KCNQ5: variants seen among roughly 807,000 people sequenced by gnomAD.
KCNQ5 encodes potassium voltage-gated channel subfamily Q member 5.
In KCNQ5, 30 loss-of-function variants were observed where a neutral mutation model predicts 98.2. That is an observed-to-expected ratio of 0.31 (90% CI 0.23 to 0.41). The LOEUF (loss-of-function observed/expected upper bound fraction) is 0.41. KCNQ5 is among the 10% of genes least tolerant of loss of function. The pLI is 1.00. For missense variants in KCNQ5, 835 were observed against 1,182.5 expected, an observed-to-expected ratio of 0.71 and a Z score of 4.31; for synonymous variants, 458 against 449.4, an observed-to-expected ratio of 1.02 and a Z score of -0.24.
intron 8 of KCNQ5, among the ~76,000 whole-genome samples, chr6:73,123,898 C>T (rs1223428896): frequency 6.6e-6 from 1 of 152,214 alleles, no homozygotes; most frequent in African/African-American, 2.4e-5. Flanking sequence ...GCAAAGAGTA[C>T]AGACCCTACA....
chr6:73,057,780 C>T (rs912123557), intron 3 of KCNQ5, among the ~76,000 whole-genome samples: 2 of 152,180 alleles, frequency 1.3e-5, no homozygotes, highest in Non-Finnish European at 1.5e-5. Flanking sequence ...CAAAAAAAAG[C>T]CTGAATAGCC....
intron 11 of KCNQ5, among the ~76,000 whole-genome samples, chr6:73,174,786 G>A (rs1219789945): frequency 1.3e-5 from 2 of 152,166 alleles, no homozygotes; most frequent in Non-Finnish European, 2.9e-5. Flanking sequence ...TCATAGGGTT[G>A]TAGTAAGGAA....
At chr6:72,918,138 A>C (rs1174084705) in intron 1 of KCNQ5, among the ~76,000 whole-genome samples, 1 of 152,170 alleles carries the variant, frequency 6.6e-6, no homozygotes, top group East Asian at 1.9e-4. Flanking sequence ...TTCCAAACTG[A>C]GTTTCCTGTG....
At chr6:72,882,865 G>A (rs1346885462) in intron 1 of KCNQ5, among the ~76,000 whole-genome samples, 2 of 152,144 alleles carry the variant, frequency 1.3e-5, no homozygotes, top group African/African-American at 4.8e-5. Context: ...AGTTTGACAA[G>A]AGTGTACGCG....
intron 3 of KCNQ5, chr6:73,055,470 C>G: frequency 6.4e-7 from 1 of 1,550,946 alleles, no homozygotes; most frequent in South Asian, 1.1e-5. Flanking sequence ...CCGATGGAGC[C>G]CTACCATCCT....
chr6:73,135,151 AATG>A (rs1776412279), intron 10 of KCNQ5: 1 of 152,142 alleles, frequency 6.6e-6, no homozygotes, highest in Admixed American at 6.5e-5. Context: ...AGGCATTAGA[AATG>A]ATGCTCTAAA....
At chr6:72,906,226 G>A (rs138408450) in intron 1 of KCNQ5, among the ~76,000 whole-genome samples, 5 of 152,234 alleles carry the variant, frequency 3.3e-5, no homozygotes. Context: ...CAATCTGAAG[G>A]GCCGGTCTCA....
At chr6:72,660,249 G>A (rs557476991) in intron 1 of KCNQ5, among the ~76,000 whole-genome samples, 12 of 152,136 alleles carry the variant, frequency 7.9e-5, no homozygotes, top group African/African-American at 9.6e-5. Context: ...CCTATTTTAC[G>A]CATGAGAAAC....
intron 2 of KCNQ5, among the ~76,000 whole-genome samples, chr6:73,018,649 G>T (rs911812711): frequency 6.6e-6 from 1 of 152,004 alleles, no homozygotes; most frequent in Admixed American, 6.6e-5. Flanking sequence ...AGTCCCCATC[G>T]CTGTCTGTGA....
At chr6:72,662,391 C>A (rs540849647) in intron 1 of KCNQ5, among the ~76,000 whole-genome samples, 7 of 152,076 alleles carry the variant, frequency 4.6e-5, no homozygotes, top group African/African-American at 9.7e-5. Context: ...TTAATTCTCT[C>A]TAGCCAATCA....
chr6:72,818,719 A>T (rs1276392723), intron 1 of KCNQ5, among the ~76,000 whole-genome samples: 1 of 151,322 alleles, frequency 6.6e-6, no homozygotes, highest in African/African-American at 2.4e-5. Context: ...TTACTAAATG[A>T]TTCTTTAATA....
intron 1 of KCNQ5, among the ~76,000 whole-genome samples, chr6:72,859,429 A>G (rs948338140): frequency 8.0e-6 from 1 of 124,448 alleles, no homozygotes; most frequent in Non-Finnish European, 2.0e-5. Context: ...TATTTTTCGT[A>G]TTTTTTTCAA....
chr6:72,998,873 G>T lies in KCNQ5; in HGVS notation c.399-5035G>T, dbSNP rs938364213. Among the ~76,000 whole-genome samples, 4 of 152,216 alleles carry T rather than the reference G, an allele frequency of 2.6e-5. No homozygotes were observed. The East Asian group carries it at 5.8e-4, about 22-fold the overall frequency. On this transcript the variant is annotated intron_variant, in intron 1 of 13. Transcript: ENST00000370398. The stretch of plus-strand genomic sequence containing the variant: ...CAGAGAGCACCTGCTAGGTGGAAAT[G>T]TGTGGTTGCTTCAATCAGCAAAGCC...
At chr6:73,078,664 T>A (rs919270351) in intron 5 of KCNQ5, among the ~76,000 whole-genome samples, 9 of 152,182 alleles carry the variant, frequency 5.9e-5, no homozygotes, top group Non-Finnish European at 1.3e-4. Context: ...GGAAGTCAGT[T>A]CAACCTCCAC....
At chr6:72,843,575 G>C (rs1489664977) in intron 1 of KCNQ5, among the ~76,000 whole-genome samples, 2 of 152,164 alleles carry the variant, frequency 1.3e-5, no homozygotes, top group Non-Finnish European at 2.9e-5. Flanking sequence ...ACTTTGGGCA[G>C]TATGGCCATT....
At chr6:72,736,688 A>C (rs1465109206) in intron 1 of KCNQ5, among the ~76,000 whole-genome samples, 1 of 148,118 alleles carries the variant, frequency 6.8e-6, no homozygotes, top group Non-Finnish European at 1.5e-5. Context: ...TTTAGTAGAG[A>C]CGGGGTTTCA....
intron 1 of KCNQ5, among the ~76,000 whole-genome samples, chr6:72,780,359 G>A (rs1773397527): frequency 6.6e-6 from 1 of 152,210 alleles, no homozygotes; most frequent in South Asian, 2.1e-4. Context: ...ATGCACAAGA[G>A]AAGATATGCC....
intron 1 of KCNQ5, among the ~76,000 whole-genome samples, chr6:72,988,796 C>A (rs1177376894): frequency 1.4e-3 from 136 of 99,886 alleles, no homozygotes; most frequent in African/African-American, 5.1e-3. Flanking sequence ...CCAATGCTAT[C>A]CCTCCCCCCT....
At chr6:72,672,017 C>T (rs892013226) in intron 1 of KCNQ5, among the ~76,000 whole-genome samples, 1 of 151,672 alleles carries the variant, frequency 6.6e-6, no homozygotes, top group Admixed American at 6.6e-5. Context: ...AGGGTTTCAC[C>T]GTGTTAGCCA....
Sources: allele counts gnomAD v4.1 joint callset (sites outside exome capture counted in the v4.1 genomes callset), GRCh38; gene constraint gnomAD v4.1.1; transcripts MANE v1.5; gene names NCBI Gene and HGNC (gene_info 2026-07-23, HGNC 2026-07-21).